Variants in GNAL observed in about 807,000 individuals in gnomAD.
GNAL encodes the protein G protein subunit alpha L, also known as guanine nucleotide-binding protein G(olf) subunit alpha.
Under a neutral mutation model 55.1 loss-of-function variants are expected in GNAL, and 18 were observed. The ratio of observed to expected loss-of-function variants is 0.33; its 90% CI spans 0.23 to 0.48. The LOEUF (loss-of-function observed/expected upper bound fraction) is 0.48. Among genes scored for constraint, GNAL ranks in the 20% least tolerant of loss-of-function variants. The pLI, the probability that GNAL is intolerant of heterozygous loss-of-function variation, is 0.99. For missense variants in GNAL, 412 were observed against 614.1 expected, an observed-to-expected ratio of 0.67 and a Z score of 3.48; for synonymous variants, 253 against 237.0, an observed-to-expected ratio of 1.07 and a Z score of -0.62.
At chr18:11,749,616 A>G (rs1458258607) in intron 1 of GNAL, among the ~76,000 whole-genome samples, 2 of 152,196 alleles carry the variant, frequency 1.3e-5, no homozygotes, top group Non-Finnish European at 2.9e-5. Flanking sequence ...CAAGGAGTCC[A>G]CAGTCTAGTG....
chr18:11,790,482 A>G (rs987753148), intron 4 of GNAL, among the ~76,000 whole-genome samples: 1 of 152,136 alleles, frequency 6.6e-6, no homozygotes, highest in Non-Finnish European at 1.5e-5. Context: ...CTCATAAAGC[A>G]TTTTTAACCA....
rs182571830 is a variant in GNAL at position 11,817,966 on chromosome 18, T to C, written c.625-6952T>C. Among the ~76,000 whole-genome samples the C allele has an allele frequency of 4.0e-5, 6 of 151,484 alleles. No homozygotes were observed. The East Asian group carries it at 1.2e-3, about 30-fold the overall frequency. On this transcript the variant is annotated intron_variant, in intron 4 of 11. Transcript: ENST00000334049. Reference sequence around the variant, plus strand: ...TTTTAGATATACTGGCCAGGCACTATGCCTCATGCCTGTAATCCCAGCACT... The same window carrying C: ...TTTTAGATATACTGGCCAGGCACTACGCCTCATGCCTGTAATCCCAGCACT...
At chr18:11,863,430 T>TTC (rs1679687380) in intron 6 of GNAL, among the ~76,000 whole-genome samples, 1 of 152,216 alleles carries the variant, frequency 6.6e-6, no homozygotes, top group South Asian at 2.1e-4. Flanking sequence ...AGGCCTGAGC[T>TTC]TCTCTCTCTC....
rs544333861 is a variant in GNAL at position 11,768,601 on chromosome 18, C to T, written c.624+14656C>T. Among the ~76,000 whole-genome samples, 11 of 133,866 alleles carry T rather than the reference C, an allele frequency of 8.2e-5. 1 individual carries two copies. The South Asian group carries it at 2.1e-3, about 26-fold the overall frequency. The allele number at this position is 133,866 out of a possible 152,430, so 87.8% of individuals were successfully genotyped here. On this transcript the variant is annotated intron_variant, in intron 4 of 11. Transcript: ENST00000334049. ...GGGCAACAAGAGCGAAACTCCATCT[C>T]GAAAAAAAAAAGGCCAGGCGCAGTG...
At chr18:11,750,523 G>A (rs935294892) in intron 1 of GNAL, among the ~76,000 whole-genome samples, 13 of 152,104 alleles carry the variant, frequency 8.5e-5, no homozygotes, top group African/African-American at 2.9e-4. Context: ...CGGATGCACC[G>A]GCCAGAGGGA....
intron 5 of GNAL, among the ~76,000 whole-genome samples, chr18:11,833,991 C>T (rs1214367066): frequency 6.6e-6 from 1 of 152,070 alleles, no homozygotes; most frequent in Non-Finnish European, 1.5e-5. Context: ...CCCCGGGGTG[C>T]GGTTTAAAAA....
chr18:11,790,057 C>G (rs890239487), intron 4 of GNAL, among the ~76,000 whole-genome samples: 4 of 152,190 alleles, frequency 2.6e-5, no homozygotes, highest in Admixed American at 1.3e-4. Context: ...CTAGAACGCT[C>G]CAGTGGCCCA....
chr18:11,880,221 C>A (rs750091596), intron 11 of GNAL, among the ~76,000 whole-genome samples: 6 of 151,252 alleles, frequency 4.0e-5, no homozygotes, highest in South Asian at 4.3e-4. Context: ...GGCACCACTG[C>A]ACTCCAGCCT....
intron 4 of GNAL, among the ~76,000 whole-genome samples, chr18:11,807,914 T>C (rs2034707401): frequency 6.6e-6 from 1 of 151,962 alleles, no homozygotes; most frequent in Admixed American, 6.6e-5. Context: ...TGTCAGGTGC[T>C]AATGATGAGC....
At chr18:11,791,417 A>G (rs1265432689) in intron 4 of GNAL, among the ~76,000 whole-genome samples, 3 of 152,234 alleles carry the variant, frequency 2.0e-5, no homozygotes, top group Non-Finnish European at 4.4e-5. Flanking sequence ...CAGAGAAGCC[A>G]TAAGGGATGC....
At chr18:11,765,544 A>G (rs899465869) in intron 4 of GNAL, among the ~76,000 whole-genome samples, 19 of 152,112 alleles carry the variant, frequency 1.2e-4, no homozygotes, top group Admixed American at 6.6e-5. Flanking sequence ...GTGCCCGTTG[A>G]TCATTCTCTC....
At chr18:11,785,760 G>A (rs887897080) in intron 4 of GNAL, among the ~76,000 whole-genome samples, 25 of 152,012 alleles carry the variant, frequency 1.6e-4, no homozygotes, top group Non-Finnish European at 2.2e-4. Context: ...CCAGTCTGAC[G>A]CCCCCTCTCC....
At chr18:11,691,836 GGC>G (rs1223890077) in intron 1 of GNAL, among the ~76,000 whole-genome samples, 1 of 152,214 alleles carries the variant, frequency 6.6e-6, no homozygotes, top group Non-Finnish European at 1.5e-5. Flanking sequence ...ACGAAAGGGT[GGC>G]GGGCCGCAGT....
chr18:11,831,451 C>G (rs1463735614), intron 5 of GNAL, among the ~76,000 whole-genome samples: 1 of 152,122 alleles, frequency 6.6e-6, no homozygotes, highest in Non-Finnish European at 1.5e-5. Flanking sequence ...GGATAGGGAC[C>G]TCCAAAACTG....
At chr18:11,811,621 T>C (rs2143571871) in intron 4 of GNAL, 1 of 152,360 alleles carries the variant, frequency 6.6e-6, no homozygotes. Context: ...AGAAACGGTG[T>C]GTTTTACACT....
chr18:11,773,301 G>T (rs2033687495), intron 4 of GNAL, among the ~76,000 whole-genome samples: 1 of 152,222 alleles, frequency 6.6e-6, no homozygotes, highest in East Asian at 1.9e-4. Flanking sequence ...AGAGCAGTCT[G>T]TTTAAAAGGC....
At chr18:11,724,551 C>T (rs983706940) in intron 1 of GNAL, among the ~76,000 whole-genome samples, 7 of 152,168 alleles carry the variant, frequency 4.6e-5, no homozygotes, top group Non-Finnish European at 7.3e-5. Flanking sequence ...CTCTGTCGAC[C>T]GATCGTAGGG....
chr18:11,752,826 C>A lies in GNAL; in HGVS notation c.377-27C>A. The stretch of plus-strand genomic sequence containing the variant: ...ATGGCAGCGATATCCGGACACAGAT[C>A]ACAGCGTTCTTTCTGTTTGTTTGCA... On this transcript the variant is annotated intron_variant, in intron 1 of 11. Transcript: ENST00000334049. This position sits in a 1 kb window ranked among gnomAD's most constrained non-coding sequence, Gnocchi z 4.5. 1 of 1,525,782 alleles carries A rather than the reference C, an allele frequency of 6.6e-7. No individual in the cohort carries two copies. Among genetic ancestry groups the A allele is most frequent in the South Asian group, 1.1e-5 (1 of 89,218 alleles). 94.5% of individuals were successfully genotyped at this position (1,525,782 alleles called of 1,614,324 possible). A position where few individuals can be genotyped will look rare whatever the true frequency, so the allele number is the denominator to read the frequency against.
In GNAL at chr18:11,885,191, G is replaced by C; in HGVS notation, c.*4056G>C. On this transcript the variant is annotated 3_prime_UTR_variant, in exon 12 of 12. Coordinates refer to ENST00000334049, the MANE Select transcript of GNAL (RefSeq NM_182978.4). Reference sequence around the variant, plus strand: ...TTTTTATGAAGTAAAAGAACCTGTCGTACCAGCATCATGAGCTGGATGCAG... The same window carrying C: ...TTTTTATGAAGTAAAAGAACCTGTCCTACCAGCATCATGAGCTGGATGCAG... The C allele has an allele frequency of 1.9e-6, 1 of 516,422 alleles. No individual in the cohort carries two copies. Among genetic ancestry groups the C allele is most frequent in the South Asian group, 2.5e-5 (1 of 40,654 alleles). The allele number at this position is 516,422 out of a possible 1,614,324, so 32.0% of individuals were successfully genotyped here. A position where few individuals can be genotyped will look rare whatever the true frequency, so the allele number is the denominator to read the frequency against.
Sources: gnomAD v4.1 joint callset for allele counts (sites outside exome capture counted in the v4.1 genomes callset) on GRCh38, gnomAD v4.1.1 for gene constraint, Gnocchi (gnomAD v3.1) non-coding constraint, MANE v1.5 for transcripts, NCBI Gene and HGNC (gene_info 2026-07-23, HGNC 2026-07-21) for gene names.